Variants in PAX3 observed in about 807,000 individuals in gnomAD.
PAX3 encodes the protein paired box 3.
PAX3 carries 14 observed loss-of-function variants against 51.6 expected under a neutral mutation model. That is an observed-to-expected ratio of 0.27 (90% CI 0.18 to 0.42). The LOEUF (loss-of-function observed/expected upper bound fraction) is 0.42. Ranked by LOEUF, PAX3 falls within the 10% of genes least tolerant of loss-of-function variation. The pLI is 1.00. For synonymous variants in PAX3, 280 were observed against 253.4 expected (o/e 1.11, Z -1.00); for missense variants, 540 against 642.8 (o/e 0.84, Z 1.73).
At chr2:222,295,681 C>A in intron 2 of PAX3, 24 bp from the exon 3 acceptor site, 1 of 1,613,668 alleles carries the variant, frequency 6.2e-7, no homozygotes, top group Non-Finnish European at 8.5e-7. Context: ...GGCGGGCAGG[C>A]GTTGGTACCC....
chr2:222,265,536 C>T (rs932103191), intron 4 of PAX3, among the ~76,000 whole-genome samples: 1 of 152,022 alleles, frequency 6.6e-6, no homozygotes, highest in Non-Finnish European at 1.5e-5. Flanking sequence ...GCCTGTAGTC[C>T]TAGCAACTCG....
At chr2:222,234,863 A>G (rs1218586070) in intron 4 of PAX3, among the ~76,000 whole-genome samples, 1 of 152,224 alleles carries the variant, frequency 6.6e-6, no homozygotes, top group Non-Finnish European at 1.5e-5. Flanking sequence ...TAAGAAGACA[A>G]ATTTCCATAA....
rs549840184 is a variant in PAX3, at chr2:222,294,770, C to T, written c.452-469G>A. Among the ~76,000 whole-genome samples, 375 of 122,246 alleles carry T rather than the reference C, an allele frequency of 3.1e-3. 7 individuals carry two copies. Among genetic ancestry groups the T allele is most frequent in the African/African-American group, 0.01 (343 of 33,482 alleles). The allele number at this position is 122,246 out of a possible 152,430, so 80.2% of individuals were successfully genotyped here. ...CCGACTTGTCCGCGCCCCCCCCCAC[C>T]CCCCCGTAAATCAAGTTTCTTTTTT... On this transcript the variant is annotated intron_variant, in intron 3 of 8. Transcript: ENST00000392070.
intron 4 of PAX3, among the ~76,000 whole-genome samples, chr2:222,289,960 C>A (rs887807564): frequency 6.6e-6 from 1 of 152,162 alleles, no homozygotes; most frequent in Admixed American, 6.5e-5. Flanking sequence ...GGAAAGTGGG[C>A]TGGTCTGTCC....
intron 4 of PAX3, among the ~76,000 whole-genome samples, chr2:222,234,310 C>T (rs944321851): frequency 6.6e-6 from 1 of 152,004 alleles, no homozygotes; most frequent in Non-Finnish European, 1.5e-5. Context: ...TAACATAAAT[C>T]TTACGTTAGG....
At chr2:222,201,689 C>A (rs953715918) in intron 8 of PAX3, 3 of 1,444,090 alleles carry the variant, frequency 2.1e-6, no homozygotes, top group Admixed American at 2.5e-5. Context: ...TTTTGGCCAA[C>A]CCTTGTGTTT....
At chr2:222,269,827 A>G (rs1559299041) in intron 4 of PAX3, among the ~76,000 whole-genome samples, 1 of 152,206 alleles carries the variant, frequency 6.6e-6, no homozygotes, top group Non-Finnish European at 1.5e-5. Flanking sequence ...TGACTTTAAC[A>G]TAGAAGGAAA....
rs770829053 is a variant in PAX3, at chr2:222,298,682, G to C, written c.-67C>G. ...CGAAACGGAAAGGCGAGTGCGGCGCGGATGACCCTCGGGAACTATCCGGAG... is the reference window on the plus strand; with the variant it reads ...CGAAACGGAAAGGCGAGTGCGGCGCCGATGACCCTCGGGAACTATCCGGAG... On this transcript the variant is annotated 5_prime_UTR_variant, in exon 1 of 9. Transcript: ENST00000392070. The C allele has an allele frequency of 2.1e-6, 3 of 1,442,448 alleles. No individual in the cohort carries two copies. The Admixed American group carries it at 5.9e-5, about 28-fold the overall frequency. The allele number at this position is 1,442,448 out of a possible 1,614,324, so 89.4% of individuals were successfully genotyped here.
intron 7 of PAX3, among the ~76,000 whole-genome samples, chr2:222,218,881 A>G (rs1330849082): frequency 6.6e-6 from 1 of 152,180 alleles, no homozygotes; most frequent in African/African-American, 2.4e-5. Context: ...AAAAGGATTT[A>G]TGAACTTTTG....
At chr2:222,229,589 A>G (rs1379543704) in intron 5 of PAX3, among the ~76,000 whole-genome samples, 2 of 152,020 alleles carry the variant, frequency 1.3e-5, no homozygotes, top group East Asian at 1.9e-4. Context: ...ATCTCATGCC[A>G]TAGCCCCCAC....
At chr2:222,220,077 C>A in intron 7 of PAX3, 63 bp downstream of exon 7, 1 of 1,385,772 alleles carries the variant, frequency 7.2e-7, no homozygotes, top group South Asian at 1.2e-5. Context: ...ACTACTGCCT[C>A]AGGGAATTGA....
chr2:222,296,844 C>T (rs1695324511), intron 2 of PAX3, 134 bp downstream of exon 2: 2 of 767,798 alleles, frequency 2.6e-6, no homozygotes, highest in Non-Finnish European at 4.5e-6. Context: ...ACACGCGCGC[C>T]TTTACGCACC....
intron 1 of PAX3, 133 bp from the exon 2 acceptor site, chr2:222,297,346 C>T (rs1695359548): frequency 1.4e-6 from 1 of 727,198 alleles, no homozygotes; most frequent in Middle Eastern, 3.6e-4. Context: ...AACTGCTCGA[C>T]ATCGGACTCC....
intron 4 of PAX3, among the ~76,000 whole-genome samples, chr2:222,275,503 T>C (rs911474118): frequency 2.6e-5 from 4 of 152,256 alleles, no homozygotes; most frequent in Middle Eastern, 3.4e-3. Context: ...ATTCAGTCTT[T>C]GCAATTAAAA....
chr2:222,268,217 T>TA (rs1281704989), intron 4 of PAX3, among the ~76,000 whole-genome samples: 1 of 152,140 alleles, frequency 6.6e-6, no homozygotes, highest in Non-Finnish European at 1.5e-5. Context: ...TACAAACACA[T>TA]ATTCGACCTA....
intron 7 of PAX3, among the ~76,000 whole-genome samples, chr2:222,212,103 G>A (rs1691760205): frequency 6.6e-6 from 1 of 152,076 alleles, no homozygotes; most frequent in Non-Finnish European, 1.5e-5. Context: ...ATCAATAGAG[G>A]CTAAAAAAGA....
intron 7 of PAX3, chr2:222,214,893 A>G (rs1208421061): frequency 5.7e-5 from 3 of 52,416 alleles, no homozygotes; most frequent in African/African-American, 2.1e-4. Context: ...TCTCTAAAAC[A>G]AAACTTTTTT....
At chr2:222,297,313 T>A in intron 1 of PAX3, 100 bp from the exon 2 acceptor site, 1 of 876,946 alleles carries the variant, frequency 1.1e-6, no homozygotes, top group Non-Finnish European at 1.9e-6. Context: ...TGTCCTATCC[T>A]CATGTTACAG....
Position 222,201,178 on chromosome 2 carries a change from T to G in PAX3, c.*230A>C. ...TTAAAATGTTGCATTTGTCTTTTAT[T>G]GCTCCAGGTCTTCCTCTTCTCCACT... is the stretch of plus-strand genomic sequence containing the variant. On this transcript the variant is annotated 3_prime_UTR_variant, in exon 9 of 9. Transcript: ENST00000392070. 6.2e-7 allele frequency: 1 copy of G among 1,614,068 alleles called. No individual in the cohort carries two copies. Among genetic ancestry groups the G allele is most frequent in the Non-Finnish European group, 8.5e-7 (1 of 1,179,988 alleles).
Sources: gnomAD v4.1 joint callset for allele counts (sites outside exome capture counted in the v4.1 genomes callset) on GRCh38, gnomAD v4.1.1 for gene constraint, MANE v1.5 for transcripts, NCBI Gene and HGNC (gene_info 2026-07-23, HGNC 2026-07-21) for gene names.